HERC2: variants seen among roughly 807,000 people sequenced by gnomAD.
The protein encoded by HERC2 is HECT and RLD domain containing E3 ubiquitin protein ligase 2.
HERC2 carries 102 observed loss-of-function variants against 537.7 expected under a neutral mutation model. The observed-to-expected ratio is 0.19, with a 90% CI of 0.16 to 0.22. The LOEUF is 0.22. Ranked by LOEUF, HERC2 falls within the 10% of genes least tolerant of loss-of-function variation. The pLI is 1.00. For missense variants in HERC2, 4,236 were observed against 6,198.2 expected, an observed-to-expected ratio of 0.68 and a Z score of 10.63; for synonymous variants, 2,224 against 2,466.2, an observed-to-expected ratio of 0.90 and a Z score of 2.91.
At chr15:28,217,612 C>T (rs1900072863) in intron 38 of HERC2, among the ~76,000 whole-genome samples, 1 of 152,220 alleles carries the variant, frequency 6.6e-6, no homozygotes, top group Non-Finnish European at 1.5e-5. Flanking sequence ...ATGGATTAAA[C>T]TGTGCCTGTC....
intron 20 of HERC2, among the ~76,000 whole-genome samples, chr15:28,251,468 C>T (rs2075078461): frequency 7.5e-6 from 1 of 132,672 alleles, no homozygotes; most frequent in Non-Finnish European, 1.5e-5. Flanking sequence ...TCCTTAGTCA[C>T]ATTAAGTAAA....
chr15:28,207,237 C>A (rs1255205819), intron 44 of HERC2, among the ~76,000 whole-genome samples: 1 of 151,954 alleles, frequency 6.6e-6, no homozygotes, highest in East Asian at 2.0e-4. Context: ...CTGGCTCAAG[C>A]GATTCTCCTG....
intron 35 of HERC2, among the ~76,000 whole-genome samples, chr15:28,224,046 AC>A (rs1241657706): frequency 6.6e-6 from 1 of 151,874 alleles, no homozygotes; most frequent in African/African-American, 2.4e-5. Context: ...ATCAGATATA[AC>A]CCTTACTAGA....
chr15:28,309,363 A>G (rs2076878183), intron 2 of HERC2, among the ~76,000 whole-genome samples: 1 of 152,176 alleles, frequency 6.6e-6, no homozygotes, highest in South Asian at 2.1e-4. Context: ...ATATATACAT[A>G]TATTTATAAT....
At chr15:28,123,994 A>C in intron 85 of HERC2, 43 bp downstream of exon 85, 1 of 1,481,046 alleles carries the variant, frequency 6.8e-7, no homozygotes, top group Non-Finnish European at 9.1e-7. Context: ...ACATGTACTG[A>C]AGACACCAGT....
Position 28,211,862 on chromosome 15 carries a change from G to C in HERC2, c.6925+583C>G, listed in dbSNP as rs547398041. ...CAAGAGGGGAGAAAACTCAAGAAGA[G>C]TGGGCAGAATACGCCATAGTTACGG... On this transcript the variant is annotated intron_variant, in intron 43 of 92. Coordinates refer to ENST00000261609, the MANE Select transcript of HERC2 (RefSeq NM_004667.6). 1.3e-3 allele frequency among the ~76,000 whole-genome samples: 196 copies of C among 152,322 alleles called. 3 individuals are homozygous for C. The highest frequency in any genetic ancestry group is 0.01 in the Middle Eastern group (3 of 294).
intron 1 of HERC2, among the ~76,000 whole-genome samples, 155 bp downstream of exon 1, chr15:28,321,920 A>G (rs2077240915): frequency 7.1e-6 from 1 of 140,718 alleles, no homozygotes; most frequent in Non-Finnish European, 1.5e-5. Context: ...CCACCACTTA[A>G]GAGATGGAGA....
chr15:28,163,650 G>A (rs928889333), intron 68 of HERC2, among the ~76,000 whole-genome samples: 5 of 152,074 alleles, frequency 3.3e-5, no homozygotes, highest in African/African-American at 1.2e-4. Flanking sequence ...GATACGCTAG[G>A]GAATCGTTTA....
At chr15:28,185,892 G>A (rs532768153) in intron 56 of HERC2, among the ~76,000 whole-genome samples, 4 of 152,068 alleles carry the variant, frequency 2.6e-5, no homozygotes, top group Non-Finnish European at 5.9e-5. Flanking sequence ...AGTGTTCCCA[G>A]TACACATAAC....
At chr15:28,145,618 C>A (rs1331648649) in intron 71 of HERC2, among the ~76,000 whole-genome samples, 13 of 152,214 alleles carry the variant, frequency 8.5e-5, no homozygotes, top group Non-Finnish European at 1.6e-4. Flanking sequence ...TCTCTGGCAT[C>A]CAGTCTGCAT....
chr15:28,177,039 T>C lies in HERC2; in HGVS notation c.9343A>G (p.Thr3115Ala). 1.2e-6 allele frequency: 2 copies of C among 1,614,184 alleles called. No homozygotes were observed. The highest frequency in any genetic ancestry group is 1.1e-5 in the South Asian group (1 of 91,082). The change falls in exon 61 of 93, where the codon ACA (threonine) becomes GCA (alanine). Residue 3115 changes from threonine to alanine, a missense_variant. Thr to Ala is a moderately conservative substitution (Grantham distance 58). Transcript: ENST00000261609. This position sits in a 1 kb window ranked among gnomAD's most constrained non-coding sequence, Gnocchi z 5.0. Reference sequence around the variant, plus strand: ...CAGGTGTACAGTTCTCCGCTGGATGTGAGGGCTGCGCTGTGCGAGCTCCCA... The same window carrying C: ...CAGGTGTACAGTTCTCCGCTGGATGCGAGGGCTGCGCTGTGCGAGCTCCCA... Reference protein sequence around the residue: ...ACGSSHSAALTSSGELYTWGL... With the variant: ...ACGSSHSAALASSGELYTWGL...
chr15:28,124,874 T>G, intron 84 of HERC2, 132 bp downstream of exon 84: 1 of 938,492 alleles, frequency 1.1e-6, no homozygotes, highest in South Asian at 1.8e-5. Flanking sequence ...TTAAATGCAC[T>G]GTGTGGTTAA....
At chr15:28,226,805 A>G (rs1242655010) in intron 35 of HERC2, among the ~76,000 whole-genome samples, 2 of 152,254 alleles carry the variant, frequency 1.3e-5, no homozygotes, top group African/African-American at 4.8e-5. Context: ...TCCAGAGAAC[A>G]GGAGAAAATA....
At chr15:28,136,930 T>C (rs1313675315) in intron 78 of HERC2, among the ~76,000 whole-genome samples, 2 of 152,144 alleles carry the variant, frequency 1.3e-5, no homozygotes, top group African/African-American at 4.8e-5. Flanking sequence ...GAAATGATTT[T>C]ATAAGATCTG....
At chr15:28,238,558 A>G in intron 24 of HERC2, 44 bp downstream of exon 24, 1 of 1,493,394 alleles carries the variant, frequency 6.7e-7, no homozygotes, top group South Asian at 1.2e-5. Flanking sequence ...TTAAAATGAT[A>G]TAGGTTGTAA....
At chr15:28,212,134 G>A (rs1361190522) in intron 43 of HERC2, among the ~76,000 whole-genome samples, 1 of 152,204 alleles carries the variant, frequency 6.6e-6, no homozygotes, top group Non-Finnish European at 1.5e-5. Context: ...GGGCCACAGG[G>A]CCCTGGGATG....
Position 28,111,847 on chromosome 15 carries a change from G to T in HERC2, c.14421C>A (p.Ala4807=), listed in dbSNP as rs142779606. The T allele has an allele frequency of 6.2e-7, 1 of 1,614,170 alleles. No homozygotes were observed. The highest frequency in any genetic ancestry group is 8.5e-7 in the Non-Finnish European group (1 of 1,180,034). ...ARIALTGEPA[A]DDSSDDSDNE... ...TATCTGAATCGTCGCTGCTGTCGTCGGCGGCTGGCTCTCCTGTAAGTGCGA... is the reference window on the plus strand; with the variant it reads ...TATCTGAATCGTCGCTGCTGTCGTCTGCGGCTGGCTCTCCTGTAAGTGCGA... The change falls in exon 93 of 93, where the codon GCC becomes GCA. Residue 4807 remains alanine (A), a synonymous_variant. Transcript: ENST00000261609.
chr15:28,309,284 GTTA>G (rs1567149726), intron 2 of HERC2, among the ~76,000 whole-genome samples: 51 of 152,222 alleles, frequency 3.4e-4, no homozygotes, highest in African/African-American at 1.1e-3. Context: ...CTATTAATGT[GTTA>G]AGGCCTATCT....
At chr15:28,205,138 G>A (rs1280508736) in intron 45 of HERC2, among the ~76,000 whole-genome samples, 9 of 152,106 alleles carry the variant, frequency 5.9e-5, no homozygotes, top group African/African-American at 1.7e-4. Context: ...GACATTTCAT[G>A]AAAAAGAAGA....
Sources: gnomAD v4.1 joint callset for allele counts (sites outside exome capture counted in the v4.1 genomes callset) on GRCh38, gnomAD v4.1.1 for gene constraint, Gnocchi (gnomAD v3.1) non-coding constraint, MANE v1.5 for transcripts, NCBI Gene and HGNC (gene_info 2026-07-23, HGNC 2026-07-21) for gene names.